The following SLCO1B3 variants were observed in gnomAD, a reference collection of about 807,000 sequenced individuals.
SLCO1B3 encodes liver-specific organic anion transporter 2.
In SLCO1B3, 72 loss-of-function variants were observed where a neutral mutation model predicts 71.8. The observed-to-expected ratio is 1.00, with a 90% CI of 0.83 to 1.22. The LOEUF (loss-of-function observed/expected upper bound fraction) is 1.22. SLCO1B3 is among the 50% of genes most tolerant of loss of function. SLCO1B3 has a pLI of 0.00. For missense variants in SLCO1B3, 911 were observed against 819.7 expected (o/e 1.11, Z -1.36); for synonymous variants, 298 against 278.4 (o/e 1.07, Z -0.70).
chr12:20,896,345 T>C (rs990552019), intron 13 of SLCO1B3, among the ~76,000 whole-genome samples: 4 of 152,164 alleles, frequency 2.6e-5, no homozygotes, highest in African/African-American at 9.7e-5. Flanking sequence ...TAAAACTGAA[T>C]GCCTTTAACA....
chr12:20,814,662 G>A (rs1307235394), intron 2 of SLCO1B3, among the ~76,000 whole-genome samples: 3 of 152,040 alleles, frequency 2.0e-5, no homozygotes, highest in Non-Finnish European at 2.9e-5. Context: ...AGGCCGAGGC[G>A]GGCGGATCAG....
intron 3 of SLCO1B3, among the ~76,000 whole-genome samples, chr12:20,816,307 A>AT (rs1056403866): frequency 1.2e-4 from 18 of 152,064 alleles, no homozygotes; most frequent in African/African-American, 4.1e-4. Flanking sequence ...CTTTTTAACT[A>AT]TTTTTTGTAC....
intron 8 of SLCO1B3, among the ~76,000 whole-genome samples, chr12:20,872,534 C>G (rs1565597071): frequency 1.3e-5 from 2 of 152,008 alleles, no homozygotes; most frequent in African/African-American, 4.8e-5. Context: ...TGGGATTGTG[C>G]TTGGTCACAC....
intron 8 of SLCO1B3, among the ~76,000 whole-genome samples, chr12:20,864,675 C>A (rs1049660610): frequency 1.3e-5 from 2 of 152,074 alleles, no homozygotes; most frequent in African/African-American, 4.8e-5. Context: ...AGTTTTGTAG[C>A]CTCTCTATTC....
At chr12:20,881,976 A>G (rs1348053465) in intron 12 of SLCO1B3, among the ~76,000 whole-genome samples, 5 of 152,302 alleles carry the variant, frequency 3.3e-5, no homozygotes, top group African/African-American at 1.2e-4. Flanking sequence ...AAAGCCTCCT[A>G]GTTTCCTTGA....
chr12:20,810,932 C>G (rs1428496744), intron 1 of SLCO1B3, among the ~76,000 whole-genome samples, 168 bp downstream of exon 1: 1 of 152,034 alleles, frequency 6.6e-6, no homozygotes, highest in African/African-American at 2.4e-5. Context: ...AATATCCCTT[C>G]TAGAAATAGA....
chr12:20,897,612 A>G (rs1424157285), intron 13 of SLCO1B3, among the ~76,000 whole-genome samples: 2 of 152,314 alleles, frequency 1.3e-5, no homozygotes, highest in South Asian at 2.1e-4. Context: ...TTCTTGATTG[A>G]TGGTGGTTAC....
At position 20,861,021 on chromosome 12, in the gene SLCO1B3, A is replaced by G. The variant is rs1320813597; in HGVS notation, c.364A>G (p.Arg122Gly). The G allele has an allele frequency of 1.3e-6, 2 of 1,575,254 alleles. No homozygotes were observed. The highest frequency in any genetic ancestry group is 2.3e-5 in the East Asian group (1 of 44,102). ...SLPHFFMGYYRYSKETHINPS... is the reference protein window; with the variant it reads ...SLPHFFMGYYGYSKETHINPS... ...AATTTCATGTTGCTCTTACAGTTAT[A>G]GGTATTCTAAAGAAACCCATATTAA... The change falls in exon 6 of 16, where the codon AGG becomes GGG. Residue 122 changes from arginine to glycine, a missense_variant. Arg to Gly is a moderately radical substitution (Grantham distance 125). Coordinates refer to ENST00000381545, the MANE Select transcript of SLCO1B3 (RefSeq NM_019844.4).
In SLCO1B3 at chr12:20,861,121, C is replaced by T; in HGVS notation, c.464C>T (p.Pro155Leu). ...NQTLSFNGTSPEIVEKDCVKE... is the reference protein window; with the variant it reads ...NQTLSFNGTSLEIVEKDCVKE... The stretch of plus-strand genomic sequence containing the variant: ...ACCTTATCATTCAATGGAACATCAC[C>T]TGAGATAGTAGAAAAAGGTAAGAAT... The change falls in exon 6 of 16, where the codon CCT becomes CTT. Residue 155 changes from proline to leucine, a missense_variant. Transcript: ENST00000381545. The T allele has an allele frequency of 1.9e-6, 3 of 1,585,234 alleles. No individual in the cohort carries two copies. The highest frequency in any genetic ancestry group is 2.3e-5 in the East Asian group (1 of 44,148).
intron 3 of SLCO1B3, among the ~76,000 whole-genome samples, chr12:20,844,251 T>C (rs750526745): frequency 6.6e-6 from 1 of 152,022 alleles, no homozygotes; most frequent in Non-Finnish European, 1.5e-5. Context: ...CATATATATA[T>C]GTATGTATTT....
chr12:20,848,046 A>C (rs1864951334), intron 3 of SLCO1B3, among the ~76,000 whole-genome samples: 1 of 152,230 alleles, frequency 6.6e-6, no homozygotes, highest in Non-Finnish European at 1.5e-5. Context: ...CATAGGATTA[A>C]TAACTAATTT....
At chr12:20,895,844 C>A (rs1165857973) in intron 13 of SLCO1B3, among the ~76,000 whole-genome samples, 5 of 152,256 alleles carry the variant, frequency 3.3e-5, no homozygotes, top group Admixed American at 1.3e-4. Context: ...GTCCCTGCAG[C>A]AAACTTCTTC....
chr12:20,862,803 C>G lies in SLCO1B3; in HGVS notation c.676C>G (p.Leu226Val), dbSNP rs115227445. The G allele has an allele frequency of 6.1e-4, 979 of 1,611,708 alleles. 3 individuals are homozygous for G. In the African/African-American group the frequency reaches 0.011, roughly 18 times the overall value. The change falls in exon 8 of 16, where the codon CTG (leucine) becomes GTG (valine). Residue 226 changes from leucine to valine, a missense_variant. Coordinates refer to ENST00000381545, the MANE Select transcript of SLCO1B3 (RefSeq NM_019844.4). Reference sequence around the variant, plus strand: ...GATTGGTCCAGTCATTGGCTTTGCACTGGGATCTCTGTTTGCTAAAATGTA... The same window carrying G: ...GATTGGTCCAGTCATTGGCTTTGCAGTGGGATCTCTGTTTGCTAAAATGTA... ...GMIGPVIGFA[L>V]GSLFAKMYVD...
chr12:20,883,562 T>C lies in SLCO1B3; in HGVS notation c.1642T>C (p.Ser548Pro). ...AATTCAAGTCATAAACTCTTTGTTCTCTGCAACAGGAGGTACCACATTTAT... is the reference window on the plus strand; with the variant it reads ...AATTCAAGTCATAAACTCTTTGTTCCCTGCAACAGGAGGTACCACATTTAT... ...VAIQVINSLF[S>P]ATGGTTFILL... Residue 548 changes from serine to proline, a missense_variant, in exon 13 of 16, where the codon TCT becomes CCT. Ser to Pro is a moderately conservative substitution (Grantham distance 74, BLOSUM62 -1). Transcript: ENST00000381545. The C allele has an allele frequency of 6.2e-7, 1 of 1,600,862 alleles. No homozygotes were observed. The highest frequency in any genetic ancestry group is 2.3e-5 in the East Asian group (1 of 43,914).
At chr12:20,903,889 T>C (rs2120401119) in intron 15 of SLCO1B3, among the ~76,000 whole-genome samples, 1 of 152,264 alleles carries the variant, frequency 6.6e-6, no homozygotes, top group Admixed American at 6.5e-5. Context: ...CAGTCCAAAG[T>C]CTCTTCTGAG....
At chr12:20,895,296 C>T (rs1865982971) in intron 13 of SLCO1B3, among the ~76,000 whole-genome samples, 1 of 152,156 alleles carries the variant, frequency 6.6e-6, no homozygotes, top group Admixed American at 6.5e-5. Context: ...AGTCCACAGT[C>T]CAAAGTCTCA....
chr12:20,883,012 T>G (rs1373117893), intron 12 of SLCO1B3, among the ~76,000 whole-genome samples: 1 of 152,136 alleles, frequency 6.6e-6, no homozygotes, highest in South Asian at 2.1e-4. Flanking sequence ...TGGCTCTATT[T>G]CCTCTGCACT....
At chr12:20,821,043 C>T (rs1185028049) in intron 3 of SLCO1B3, among the ~76,000 whole-genome samples, 2 of 151,870 alleles carry the variant, frequency 1.3e-5, no homozygotes, top group Non-Finnish European at 2.9e-5. Flanking sequence ...ACTAGCTCGG[C>T]CTGGCGAGGA....
chr12:20,894,728 C>T (rs1865969568), intron 13 of SLCO1B3, among the ~76,000 whole-genome samples: 1 of 152,156 alleles, frequency 6.6e-6, no homozygotes, highest in Admixed American at 6.5e-5. Flanking sequence ...AGAGTAATAA[C>T]TAAATAGATA....
Sources: gnomAD v4.1 joint callset for allele counts (sites outside exome capture counted in the v4.1 genomes callset) on GRCh38, gnomAD v4.1.1 for gene constraint, MANE v1.5 for transcripts, NCBI Gene and HGNC (gene_info 2026-07-23, HGNC 2026-07-21) for gene names.